Variants in NAALADL2 observed in about 807,000 individuals in gnomAD.
NAALADL2 encodes the protein N-acetylated alpha-linked acidic dipeptidase like 2.
Under a neutral mutation model 87.2 loss-of-function variants are expected in NAALADL2, and 76 were observed. The ratio of observed to expected loss-of-function variants is 0.87; its 90% CI spans 0.72 to 1.05. NAALADL2 has a LOEUF of 1.05. Among genes scored for constraint, NAALADL2 ranks in the 50% least tolerant of loss-of-function variants. The pLI is 0.00. For synonymous variants in NAALADL2, 354 were observed against 331.0 expected (o/e 1.07, Z -0.75); for missense variants, 1,089 against 945.8 (o/e 1.15, Z -1.99).
At chr3:174,607,497 A>G (rs1719236862) in intron 2 of NAALADL2, among the ~76,000 whole-genome samples, 1 of 150,064 alleles carries the variant, frequency 6.7e-6, no homozygotes, top group African/African-American at 2.5e-5. Flanking sequence ...GGAAAACAAA[A>G]AAAGGCAGGG....
chr3:175,255,762 C>G (rs1483426584), intron 3 of NAALADL2, among the ~76,000 whole-genome samples: 1 of 152,048 alleles, frequency 6.6e-6, no homozygotes, highest in African/African-American at 2.4e-5. Context: ...AAATGGGTAA[C>G]ATTGAGGTCA....
At chr3:174,589,857 GTT>G (rs57195579) in intron 2 of NAALADL2, among the ~76,000 whole-genome samples, 1 of 136,416 alleles carries the variant, frequency 7.3e-6, no homozygotes. Context: ...TTGTTGCTGT[GTT>G]TTTTTTTTTT....
At chr3:175,235,533 A>G (rs188951900) in intron 3 of NAALADL2, 67 of 152,352 alleles carry the variant, frequency 4.4e-4, no homozygotes, top group African/African-American at 1.5e-3. Flanking sequence ...AAAATAGAGG[A>G]AGGCAACTGT....
At chr3:175,671,310 G>A (rs1733977664) in intron 11 of NAALADL2, among the ~76,000 whole-genome samples, 1 of 151,878 alleles carries the variant, frequency 6.6e-6, no homozygotes, top group African/African-American at 2.4e-5. Context: ...GGATGCATGA[G>A]TAACTTTTTA....
intron 3 of NAALADL2, among the ~76,000 whole-genome samples, chr3:174,851,926 T>C (rs562976460): frequency 6.6e-6 from 1 of 152,078 alleles, no homozygotes; most frequent in Non-Finnish European, 1.5e-5. Flanking sequence ...GTTCAACATA[T>C]GCAAATCAAT....
intron 11 of NAALADL2, among the ~76,000 whole-genome samples, chr3:175,667,732 T>C (rs1210837403): frequency 6.8e-6 from 1 of 147,820 alleles, no homozygotes; most frequent in Non-Finnish European, 1.5e-5. Flanking sequence ...GATATCTGTG[T>C]GTTTTTTGCT....
intron 3 of NAALADL2, chr3:175,235,111 T>A (rs1745614608): frequency 6.6e-6 from 1 of 151,960 alleles, no homozygotes; most frequent in Non-Finnish European, 1.5e-5. Flanking sequence ...TTAATACCAA[T>A]GAAATAATGT....
chr3:175,591,147 A>G (rs1312927641), intron 10 of NAALADL2, among the ~76,000 whole-genome samples: 1 of 152,172 alleles, frequency 6.6e-6, no homozygotes, highest in Non-Finnish European at 1.5e-5. Context: ...GGATGGGGTT[A>G]GTGTGGAAGT....
At chr3:175,589,183 C>T (rs1721005606) in intron 10 of NAALADL2, among the ~76,000 whole-genome samples, 1 of 152,122 alleles carries the variant, frequency 6.6e-6, no homozygotes, top group Admixed American at 6.5e-5. Flanking sequence ...TACTTTTGTT[C>T]TACTGGTAGC....
chr3:174,477,841 A>G (rs1166106044), intron 1 of NAALADL2, among the ~76,000 whole-genome samples: 2 of 152,212 alleles, frequency 1.3e-5, no homozygotes, highest in Non-Finnish European at 1.5e-5. Flanking sequence ...TGTCCTAAGC[A>G]ACTATACAAG....
intron 10 of NAALADL2, among the ~76,000 whole-genome samples, chr3:175,583,267 A>G (rs1339241912): frequency 6.6e-6 from 1 of 152,228 alleles, no homozygotes; most frequent in Non-Finnish European, 1.5e-5. Context: ...CAAAATTTGA[A>G]GTATGGTTCC....
chr3:174,553,794 C>T (rs1204372161), intron 2 of NAALADL2, among the ~76,000 whole-genome samples: 2 of 151,852 alleles, frequency 1.3e-5, no homozygotes, highest in Non-Finnish European at 2.9e-5. Context: ...AGTCGTTTTC[C>T]ATTTCTTGTG....
intron 2 of NAALADL2, among the ~76,000 whole-genome samples, chr3:174,601,849 C>T (rs193235256): frequency 5.0e-4 from 76 of 152,204 alleles, no homozygotes; most frequent in Admixed American, 8.5e-4. Flanking sequence ...GGTCTAGTTT[C>T]GTTCTTCTGC....
chr3:174,899,224 T>A (rs1294559423), intron 1 of NAALADL2, among the ~76,000 whole-genome samples: 1 of 152,120 alleles, frequency 6.6e-6, no homozygotes, highest in African/African-American at 2.4e-5. Context: ...AAAAATCTTT[T>A]AAAATTTTTA....
At chr3:175,449,088 T>TA (rs1721129471) in intron 6 of NAALADL2, among the ~76,000 whole-genome samples, 3 of 152,066 alleles carry the variant, frequency 2.0e-5, no homozygotes, top group Non-Finnish European at 4.4e-5. Context: ...ACTACTTTTT[T>TA]AAAAAAATGC....
At chr3:175,312,595 A>G (rs1329731498) in intron 4 of NAALADL2, among the ~76,000 whole-genome samples, 1 of 152,182 alleles carries the variant, frequency 6.6e-6, no homozygotes, top group Non-Finnish European at 1.5e-5. Context: ...GGATGGACGT[A>G]TAATTGAGAG....
intron 5 of NAALADL2, among the ~76,000 whole-genome samples, chr3:175,379,481 A>G (rs999723401): frequency 9.9e-5 from 15 of 151,712 alleles, no homozygotes; most frequent in Admixed American, 6.6e-5. Flanking sequence ...GTCTGTTTTT[A>G]CGTCTCGTAT....
At chr3:175,385,652 A>G (rs1363777244) in intron 5 of NAALADL2, among the ~76,000 whole-genome samples, 1 of 152,172 alleles carries the variant, frequency 6.6e-6, no homozygotes, top group Non-Finnish European at 1.5e-5. Context: ...CATAAAGAAA[A>G]GATAAATATT....
chr3:174,912,159 G>GA (rs889464004), intron 1 of NAALADL2, among the ~76,000 whole-genome samples: 1 of 151,800 alleles, frequency 6.6e-6, no homozygotes, highest in African/African-American at 2.4e-5. Context: ...TTCCATAAAA[G>GA]AAAAAAAGAA....
Sources: gnomAD v4.1 joint callset for allele counts (sites outside exome capture counted in the v4.1 genomes callset) on GRCh38, gnomAD v4.1.1 for gene constraint, MANE v1.5 for transcripts, NCBI Gene and HGNC (gene_info 2026-07-23, HGNC 2026-07-21) for gene names.